The following GALNT18 variants were observed in gnomAD, a reference collection of about 807,000 sequenced individuals.
GALNT18 encodes GalNAc-transferase 18.
A neutral mutation model predicts 69.5 loss-of-function variants in GALNT18; 44 were observed. That is an observed-to-expected ratio of 0.63 (90% CI 0.50 to 0.81). The LOEUF (loss-of-function observed/expected upper bound fraction) is 0.81. Ranked by LOEUF, GALNT18 falls within the 40% of genes least tolerant of loss-of-function variation. The probability of loss-of-function intolerance (pLI) is 0.00; values close to 1 mark genes in which losing one functional copy is unlikely to be tolerated. For synonymous variants in GALNT18, 364 were observed against 318.2 expected (o/e 1.14, Z -1.53); for missense variants, 715 against 810.0 (o/e 0.88, Z 1.42).
At chr11:11,388,621 G>A (rs937022494) in intron 3 of GALNT18, among the ~76,000 whole-genome samples, 18 of 152,336 alleles carry the variant, frequency 1.2e-4, no homozygotes, top group Non-Finnish European at 2.1e-4. Flanking sequence ...GGGAAGAGAT[G>A]TGCAGAGTTG....
intron 9 of GALNT18, among the ~76,000 whole-genome samples, chr11:11,304,201 G>A (rs905367141): frequency 1.4e-4 from 22 of 152,308 alleles, no homozygotes; most frequent in African/African-American, 5.3e-4. Context: ...AGCTGTCCTA[G>A]TTCCTGCCTT....
rs115475475 is a variant in GALNT18, at chr11:11,604,367, A to G, written c.235+16992T>C. The stretch of plus-strand genomic sequence containing the variant: ...CACACAGCTGGGTCTCAGTTTCAGA[A>G]TCAGTGAAGTGAGGCAGGCTCACTA... On this transcript the variant is annotated intron_variant, in intron 1 of 10. Coordinates refer to ENST00000227756, the MANE Select transcript of GALNT18 (RefSeq NM_198516.3). The surrounding 1 kb of genome is among the most constrained non-coding windows in gnomAD (Gnocchi z 5.6). 0.013 allele frequency among the ~76,000 whole-genome samples: 2,011 copies of G among 152,316 alleles called. 56 individuals are homozygous for G. The highest frequency in any genetic ancestry group is 0.046 in the African/African-American group (1,928 of 41,572).
At chr11:11,313,124 G>A (rs1169131341) in intron 9 of GALNT18, among the ~76,000 whole-genome samples, 1 of 152,162 alleles carries the variant, frequency 6.6e-6, no homozygotes, top group Non-Finnish European at 1.5e-5. Flanking sequence ...AGGGGAGAAG[G>A]GAAGTGGGGG....
At chr11:11,515,752 C>G (rs757832851) in intron 1 of GALNT18, among the ~76,000 whole-genome samples, 3 of 152,216 alleles carry the variant, frequency 2.0e-5, no homozygotes, top group Non-Finnish European at 2.9e-5. Context: ...TTGTGGCTGT[C>G]TGGGAGGAAG....
Position 11,415,859 on chromosome 11 carries a change from A to G in GALNT18, c.595+16762T>C, listed in dbSNP as rs1302893437. Among the ~76,000 whole-genome samples, 2 of 152,184 alleles carry G rather than the reference A, an allele frequency of 1.3e-5. No individual in the cohort carries two copies. The highest frequency in any genetic ancestry group is 2.9e-5 in the Non-Finnish European group (2 of 68,028). ...CAACGCTCTCCACTGTTGGACTCAC[A>G]TGTCATAGGAATATGGAGTACACAG... On this transcript the variant is annotated intron_variant, in intron 3 of 10. Coordinates refer to ENST00000227756, the MANE Select transcript of GALNT18 (RefSeq NM_198516.3). This position sits in a 1 kb window ranked among gnomAD's most constrained non-coding sequence, Gnocchi z 4.1.
Position 11,337,276 on chromosome 11 carries a change from G to C in GALNT18, c.1278+3543C>G, listed in dbSNP as rs145466460. On this transcript the variant is annotated intron_variant, in intron 7 of 10. Coordinates refer to ENST00000227756, the MANE Select transcript of GALNT18 (RefSeq NM_198516.3). This position sits in a 1 kb window ranked among gnomAD's most constrained non-coding sequence, Gnocchi z 4.9. ...CCAGCAAACTCACTCATTAATAAGC[G>C]TTAGCAAGGCGTCACCAAGCTCTTA... is the stretch of plus-strand genomic sequence containing the variant. Among the ~76,000 whole-genome samples the C allele has an allele frequency of 6.6e-6, 1 of 152,162 alleles. No individual in the cohort carries two copies. Among genetic ancestry groups the C allele is most frequent in the Non-Finnish European group, 1.5e-5 (1 of 68,032 alleles).
chr11:11,414,373 T>C (rs1358152991), intron 3 of GALNT18, among the ~76,000 whole-genome samples: 1 of 152,202 alleles, frequency 6.6e-6, no homozygotes, highest in Non-Finnish European at 1.5e-5. Context: ...TTCAATACCA[T>C]CTCAAGCCAT....
intron 9 of GALNT18, among the ~76,000 whole-genome samples, chr11:11,324,781 G>C (rs577344044): frequency 3.3e-5 from 5 of 151,864 alleles, no homozygotes; most frequent in Non-Finnish European, 5.9e-5. Flanking sequence ...GATCTGTTGA[G>C]TTCCTTGTAG....
chr11:11,533,589 C>A (rs913511623), intron 1 of GALNT18, among the ~76,000 whole-genome samples: 1 of 152,216 alleles, frequency 6.6e-6, no homozygotes, highest in African/African-American at 2.4e-5. Flanking sequence ...AACCATGGCA[C>A]CCCACTCTCT....
chr11:11,282,116 C>T (rs1213994115), intron 10 of GALNT18, among the ~76,000 whole-genome samples: 5 of 152,168 alleles, frequency 3.3e-5, no homozygotes, highest in African/African-American at 1.2e-4. Flanking sequence ...ATAGCACTGG[C>T]CACCAGCACT....
Position 11,435,994 on chromosome 11 carries a change from C to T in GALNT18, c.429-3207G>A, listed in dbSNP as rs368593562. On this transcript the variant is annotated intron_variant, in intron 2 of 10. Transcript: ENST00000227756. This position sits in a 1 kb window ranked among gnomAD's most constrained non-coding sequence, Gnocchi z 4.4. ...GGCCTCCTGGCGACAGCCATGCTGC[C>T]GCTGTGGCCTCTCTCTCGGCATCAG... 5.3e-5 allele frequency among the ~76,000 whole-genome samples: 8 copies of T among 152,222 alleles called. No homozygotes were observed. Among genetic ancestry groups the T allele is most frequent in the South Asian group, 4.1e-4 (2 of 4,830 alleles).
At chr11:11,312,865 G>T (rs1390413691) in intron 9 of GALNT18, among the ~76,000 whole-genome samples, 1 of 152,200 alleles carries the variant, frequency 6.6e-6, no homozygotes, top group Non-Finnish European at 1.5e-5. Context: ...GTGCCAGGCG[G>T]TGCACTAGGA....
chr11:11,450,444 C>T (rs1855768856), intron 1 of GALNT18, among the ~76,000 whole-genome samples: 2 of 152,278 alleles, frequency 1.3e-5, no homozygotes, highest in South Asian at 4.1e-4. Flanking sequence ...GCTCCCCCTA[C>T]CATGGAAGGG....
intron 10 of GALNT18, among the ~76,000 whole-genome samples, chr11:11,282,757 C>T (rs1297962077): frequency 6.6e-6 from 1 of 152,134 alleles, no homozygotes; most frequent in Non-Finnish European, 1.5e-5. Flanking sequence ...TCCATCCATT[C>T]AACACATATT....
intron 3 of GALNT18, among the ~76,000 whole-genome samples, chr11:11,381,863 A>G (rs1853929177): frequency 1.3e-5 from 2 of 152,206 alleles, no homozygotes; most frequent in Non-Finnish European, 1.5e-5. Flanking sequence ...TTCTGGGCCA[A>G]TGGATGGTTG....
chr11:11,374,269 A>G (rs907450781), intron 5 of GALNT18, among the ~76,000 whole-genome samples: 2 of 152,166 alleles, frequency 1.3e-5, no homozygotes, highest in Admixed American at 1.3e-4. Flanking sequence ...GAAGTTCCCT[A>G]GCCTCTCTGA....
At chr11:11,302,817 C>A (rs898361611) in intron 9 of GALNT18, among the ~76,000 whole-genome samples, 2 of 152,214 alleles carry the variant, frequency 1.3e-5, no homozygotes, top group Non-Finnish European at 2.9e-5. Context: ...TGCACTCAGC[C>A]TTAAAAGGCA....
At position 11,541,500 on chromosome 11, in the gene GALNT18, C is replaced by T. The variant is rs569351384; in HGVS notation, c.235+79859G>A. On this transcript the variant is annotated intron_variant, in intron 1 of 10. Transcript: ENST00000227756. This position sits in a 1 kb window ranked among gnomAD's most constrained non-coding sequence, Gnocchi z 4.8. Reference sequence around the variant, plus strand: ...TTTCTAGACCACAAACCTCGTCATGCCACTTTCTACTTAAAATTCTTCCAT... The same window carrying T: ...TTTCTAGACCACAAACCTCGTCATGTCACTTTCTACTTAAAATTCTTCCAT... Among the ~76,000 whole-genome samples, 278 of 152,276 alleles carry T rather than the reference C, an allele frequency of 1.8e-3. 2 individuals carry two copies. Among genetic ancestry groups the T allele is most frequent in the African/African-American group, 6.5e-3 (269 of 41,548 alleles).
intron 1 of GALNT18, among the ~76,000 whole-genome samples, chr11:11,499,437 TC>T (rs915919519): frequency 1.4e-5 from 2 of 141,750 alleles, no homozygotes; most frequent in Admixed American, 6.9e-5. Flanking sequence ...GTTACCTCCC[TC>T]CCCCACCTGT....
Sources: allele counts gnomAD v4.1 joint callset (sites outside exome capture counted in the v4.1 genomes callset), GRCh38; gene constraint gnomAD v4.1.1; non-coding constraint Gnocchi (gnomAD v3.1); transcripts MANE v1.5; gene names NCBI Gene and HGNC (gene_info 2026-07-23, HGNC 2026-07-21).